Variants in TRAPPC13 observed in about 807,000 individuals in gnomAD.
TRAPPC13 encodes the protein REV7-interacting novel NHEJ regulator 1.
Under a neutral mutation model 54.0 loss-of-function variants are expected in TRAPPC13, and 39 were observed. The ratio of observed to expected loss-of-function variants is 0.72; its 90% CI spans 0.56 to 0.94. The LOEUF is 0.94. Ranked by LOEUF, TRAPPC13 falls within the 40% of genes least tolerant of loss-of-function variation. The pLI is 0.00. For missense variants in TRAPPC13, 386 were observed against 488.1 expected (o/e 0.79, Z 1.97); for synonymous variants, 148 against 167.7 (o/e 0.88, Z 0.91).
At chr5:65,635,225 G>A in intron 1 of TRAPPC13, 76 bp from the exon 2 acceptor site, 1 of 1,239,026 alleles carries the variant, frequency 8.1e-7, no homozygotes, top group Non-Finnish European at 1.2e-6. Flanking sequence ...ATGGATGAAT[G>A]TCATACACTA....
chr5:65,650,017 C>A (rs1349903032), intron 5 of TRAPPC13, among the ~76,000 whole-genome samples: 2 of 151,634 alleles, frequency 1.3e-5, no homozygotes, highest in African/African-American at 4.9e-5. Flanking sequence ...CCACCATGCC[C>A]AGCTGATTTT....
At chr5:65,654,171 A>C (rs1756569296) in intron 7 of TRAPPC13, among the ~76,000 whole-genome samples, 1 of 152,152 alleles carries the variant, frequency 6.6e-6, no homozygotes, top group South Asian at 2.1e-4. Context: ...TAATTTTAAA[A>C]ATTGCTAGTT....
Position 65,658,446 on chromosome 5 carries a change from C to A in TRAPPC13, c.643C>A (p.Pro215Thr). Residue 215 changes from proline (P) to threonine (T), a missense_variant, in exon 9 of 13, where the codon CCA (proline) becomes ACA (threonine). By Grantham distance (38) the Pro-to-Thr change is conservative. Transcript: ENST00000399438. ...PMFMEKVSLE[P>T]SIMYNVTELN... Reference sequence around the variant, plus strand: ...GTTTATGGAGAAGGTTTCACTGGAGCCATCTATTATGTACAATGTAACAGA... The same window carrying A: ...GTTTATGGAGAAGGTTTCACTGGAGACATCTATTATGTACAATGTAACAGA... The A allele has an allele frequency of 6.3e-7, 1 of 1,591,500 alleles. No individual in the cohort carries two copies.
At chr5:65,628,619 A>G (rs763146104) in intron 1 of TRAPPC13, among the ~76,000 whole-genome samples, 3 of 151,750 alleles carry the variant, frequency 2.0e-5, no homozygotes, top group South Asian at 4.2e-4. Flanking sequence ...TTACAGGCAC[A>G]CGCCACCACA....
At chr5:65,664,184 C>A in intron 11 of TRAPPC13, 53 bp from the exon 12 acceptor site, 5 of 1,556,516 alleles carry the variant, frequency 3.2e-6, no homozygotes, top group Non-Finnish European at 4.4e-6. Flanking sequence ...TATTGCAGTA[C>A]CTCTTTGTGA....
intron 7 of TRAPPC13, among the ~76,000 whole-genome samples, chr5:65,653,700 G>A (rs141657308): frequency 6.6e-6 from 1 of 152,202 alleles, no homozygotes; most frequent in East Asian, 1.9e-4. Flanking sequence ...AGCAGTGAAG[G>A]CATTCAAGCA....
intron 1 of TRAPPC13, among the ~76,000 whole-genome samples, chr5:65,632,113 G>A (rs1436739760): frequency 1.3e-5 from 2 of 152,048 alleles, no homozygotes; most frequent in African/African-American, 2.4e-5. Context: ...GGGCATGGTG[G>A]CATGCGACAG....
intron 4 of TRAPPC13, among the ~76,000 whole-genome samples, chr5:65,643,359 A>G (rs1252598740): frequency 6.6e-6 from 1 of 152,040 alleles, no homozygotes; most frequent in Non-Finnish European, 1.5e-5. Context: ...AGAGATATAT[A>G]TATATATTCA....
rs1422095662 is a variant in TRAPPC13 at position 65,630,209 on chromosome 5, T to G, written c.47-5092T>G. 2.6e-6 allele frequency: 4 copies of G among 1,535,950 alleles called. No individual in the cohort carries two copies. In the East Asian group the frequency reaches 7.3e-5, roughly 28 times the overall value. ...TTGTAATGCTACAATTCAGAGGCATTTAGGCCAAATATGGGTGTTCTGTGA... is the reference window on the plus strand; with the variant it reads ...TTGTAATGCTACAATTCAGAGGCATGTAGGCCAAATATGGGTGTTCTGTGA... On this transcript the variant is annotated intron_variant, in intron 1 of 12. Transcript: ENST00000399438.
In TRAPPC13 at chr5:65,647,102, T is replaced by A. The variant is rs777454933; in HGVS notation, c.348T>A (p.Asn116Lys). 6.4e-6 allele frequency: 10 copies of A among 1,561,696 alleles called. No homozygotes were observed. The Admixed American group carries it at 7.7e-5, about 12-fold the overall frequency. Reference sequence around the variant, plus strand: ...AGCGTTTAAATCTTTCAGCCTCCAATGCTGCAGTGGCTGAACTTAAACCGG... The same window carrying A: ...AGCGTTTAAATCTTTCAGCCTCCAAAGCTGCAGTGGCTGAACTTAAACCGG... ...SSQRLNLSAS[N>K]AAVAELKPDC... Residue 116 changes from asparagine to lysine, a missense_variant, in exon 5 of 13, where the codon AAT becomes AAA. Physicochemically the swap from Asn to Lys is moderately conservative, Grantham distance 94. Coordinates refer to ENST00000399438, the MANE Select transcript of TRAPPC13 (RefSeq NM_024941.4).
At chr5:65,661,940 TCAGCTTGGAAACCCAA>T (rs1008277763) in intron 10 of TRAPPC13, 94 bp from the exon 11 acceptor site, 21 of 634,014 alleles carry the variant, frequency 3.3e-5, no homozygotes, top group African/African-American at 2.9e-4. Flanking sequence ...TCTTAGAACA[TCAGCTTGGAAACCCAA>T]CAGCTGTTGA....
At chr5:65,628,856 C>T (rs1466008341) in intron 1 of TRAPPC13, among the ~76,000 whole-genome samples, 1 of 151,134 alleles carries the variant, frequency 6.6e-6, no homozygotes, top group Non-Finnish European at 1.5e-5. Context: ...TGAAGTCTTG[C>T]TCTATCGCCC....
Position 65,647,162 on chromosome 5 carries a change from CAAAG to C in TRAPPC13, c.412_415del (p.Glu138LeufsTer10). On this transcript the variant is annotated frameshift_variant, in exon 5 of 13. Transcript: ENST00000399438. LOFTEE classifies it high-confidence loss of function. ...TTGATGATGTCATACATCATGAAGT[CAAAG>C]AAATTGGAACACACATGTAAGGATT... 1 of 1,585,410 alleles carries C rather than the reference CAAAG, an allele frequency of 6.3e-7. No homozygotes were observed. Among genetic ancestry groups the C allele is most frequent in the Non-Finnish European group, 8.6e-7 (1 of 1,164,712 alleles).
At chr5:65,659,435 AAATCCAGTGAG>A (rs1225680093) in intron 9 of TRAPPC13, among the ~76,000 whole-genome samples, 1 of 152,222 alleles carries the variant, frequency 6.6e-6, no homozygotes, top group Non-Finnish European at 1.5e-5. Context: ...AGTCTCATAA[AAATCCAGTGAG>A]GTAAATATGA....
rs1372822523 is a variant in TRAPPC13 at position 65,664,022 on chromosome 5, TCTGAG to T, written c.999-214_999-210del. On this transcript the variant is annotated intron_variant, in intron 11 of 12. Coordinates refer to ENST00000399438, the MANE Select transcript of TRAPPC13 (RefSeq NM_024941.4). ...GCCAACATCCAGACAGGCAGATTAG[TCTGAG>T]GCTATTTTAAGTGCTAGAAGGTGTG... is the stretch of plus-strand genomic sequence containing the variant. 7.9e-6 allele frequency: 4 copies of T among 508,470 alleles called. No homozygotes were observed. The East Asian group carries it at 1.4e-4, about 18-fold the overall frequency. The allele number at this position is 508,470 out of a possible 1,614,324, so 31.5% of individuals were successfully genotyped here.
At chr5:65,633,428 C>T (rs1277400558) in intron 1 of TRAPPC13, among the ~76,000 whole-genome samples, 1 of 152,050 alleles carries the variant, frequency 6.6e-6, no homozygotes, top group Non-Finnish European at 1.5e-5. Flanking sequence ...CTACAGGCGC[C>T]CGCCACCATG....
At chr5:65,642,970 T>C (rs1180669404) in intron 4 of TRAPPC13, among the ~76,000 whole-genome samples, 2 of 152,218 alleles carry the variant, frequency 1.3e-5, no homozygotes, top group Non-Finnish European at 2.9e-5. Flanking sequence ...GTAGTAGCAT[T>C]GTTGAACATC....
chr5:65,664,864 T>C lies in TRAPPC13; in HGVS notation c.*253T>C. 2.2e-6 allele frequency: 1 copy of C among 454,192 alleles called. No homozygotes were observed. The highest frequency in any genetic ancestry group is 3.9e-6 in the Non-Finnish European group (1 of 256,642). The allele number at this position is 454,192 out of a possible 1,614,324, so 28.1% of individuals were successfully genotyped here. A position where few individuals can be genotyped will look rare whatever the true frequency, so the allele number is the denominator to read the frequency against. On this transcript the variant is annotated 3_prime_UTR_variant, in exon 13 of 13. Transcript: ENST00000399438. ...TTCATTTTAGATGACCATTGGACTTTGTTCTCCAAAAGCTGTGTATCTGAG... is the reference window on the plus strand; with the variant it reads ...TTCATTTTAGATGACCATTGGACTTCGTTCTCCAAAAGCTGTGTATCTGAG...
In TRAPPC13 at chr5:65,652,323, G is replaced by T. The variant is rs546786524; in HGVS notation, c.502-178G>T. Among the ~76,000 whole-genome samples, 3 of 136,204 alleles carry T rather than the reference G, an allele frequency of 2.2e-5. No individual in the cohort carries two copies. In the East Asian group the frequency reaches 6.4e-4, roughly 29 times the overall value. 89.4% of individuals were successfully genotyped at this position (136,204 alleles called of 152,430 possible). On this transcript the variant is annotated intron_variant, in intron 6 of 12. Transcript: ENST00000399438. Reference sequence around the variant, plus strand: ...GTAGCCTCTCAAAAAATACATTAGGGATTCTTTTTTCTTTTCTTTTTTTTT... The same window carrying T: ...GTAGCCTCTCAAAAAATACATTAGGTATTCTTTTTTCTTTTCTTTTTTTTT...
Sources: gnomAD v4.1 joint callset for allele counts (sites outside exome capture counted in the v4.1 genomes callset) on GRCh38, gnomAD v4.1.1 for gene constraint, MANE v1.5 for transcripts, NCBI Gene and HGNC (gene_info 2026-07-23, HGNC 2026-07-21) for gene names.